The following SMAP1 variants were observed in gnomAD, a reference collection of about 807,000 sequenced individuals.
The protein encoded by SMAP1 is stromal membrane-associated protein 1.
A neutral mutation model predicts 58.5 loss-of-function variants in SMAP1; 24 were observed. The observed-to-expected ratio is 0.41, with a 90% CI of 0.30 to 0.58. The LOEUF (loss-of-function observed/expected upper bound fraction) is 0.58, where lower values mean the gene tolerates loss of function less well. SMAP1 is among the 20% of genes least tolerant of loss of function. The pLI, the probability that SMAP1 is intolerant of heterozygous loss-of-function variation, is 0.29. For missense variants in SMAP1, 563 were observed against 566.3 expected, an observed-to-expected ratio of 0.99 and a Z score of 0.06; for synonymous variants, 216 against 196.6, an observed-to-expected ratio of 1.10 and a Z score of -0.82.
At chr6:70,804,399 A>T (rs1251122197) in intron 6 of SMAP1, among the ~76,000 whole-genome samples, 1 of 149,948 alleles carries the variant, frequency 6.7e-6, no homozygotes, top group African/African-American at 2.5e-5. Context: ...TGCAGGTGAG[A>T]TGGGTCTCCT....
chr6:70,756,768 G>A (rs987687087), intron 3 of SMAP1, among the ~76,000 whole-genome samples: 1 of 151,980 alleles, frequency 6.6e-6, no homozygotes, highest in Admixed American at 6.6e-5. Context: ...CCCATTCACA[G>A]TTGCTTCAAA....
At chr6:70,854,647 T>C (rs567335160) in intron 8 of SMAP1, among the ~76,000 whole-genome samples, 6 of 152,172 alleles carry the variant, frequency 3.9e-5, no homozygotes, top group Admixed American at 3.3e-4. Context: ...TCCAGACATA[T>C]TTTCAAAATA....
intron 2 of SMAP1, among the ~76,000 whole-genome samples, chr6:70,738,963 G>C (rs1285371063): frequency 6.6e-6 from 1 of 152,134 alleles, no homozygotes; most frequent in African/African-American, 2.4e-5. Context: ...TTGTTATTTA[G>C]AAGGACATTA....
chr6:70,787,335 C>T (rs1198370469), intron 4 of SMAP1, among the ~76,000 whole-genome samples: 2 of 152,140 alleles, frequency 1.3e-5, no homozygotes, highest in African/African-American at 4.8e-5. Flanking sequence ...AGACCTAAAA[C>T]CATAAAAGCC....
At chr6:70,722,778 T>C (rs747625820) in intron 1 of SMAP1, among the ~76,000 whole-genome samples, 8 of 152,254 alleles carry the variant, frequency 5.3e-5, no homozygotes, top group Non-Finnish European at 1.2e-4. Context: ...AGATCGCTCA[T>C]GCTATTTTTT....
chr6:70,700,633 A>G (rs1445045853), intron 1 of SMAP1, among the ~76,000 whole-genome samples: 1 of 152,148 alleles, frequency 6.6e-6, no homozygotes, highest in African/African-American at 2.4e-5. Flanking sequence ...CCAGCCTCAG[A>G]TATTTATGTA....
At chr6:70,806,875 A>G (rs983227101) in intron 6 of SMAP1, among the ~76,000 whole-genome samples, 6 of 152,176 alleles carry the variant, frequency 3.9e-5, no homozygotes, top group African/African-American at 1.4e-4. Context: ...GTCTCTCAGG[A>G]GTGACTTGCT....
chr6:70,767,371 A>C (rs1216871866), intron 3 of SMAP1, among the ~76,000 whole-genome samples: 1 of 152,234 alleles, frequency 6.6e-6, no homozygotes, highest in Middle Eastern at 3.4e-3. Flanking sequence ...GACTCTTCCT[A>C]CCCATGAGCA....
intron 1 of SMAP1, among the ~76,000 whole-genome samples, chr6:70,706,180 G>T (rs1286962017): frequency 3.3e-5 from 5 of 152,118 alleles, no homozygotes; most frequent in South Asian, 4.1e-4. Context: ...TTTTGACAAC[G>T]AAGTTGGTGG....
rs183444442 is a variant in SMAP1 at position 70,771,584 on chromosome 6, C to T, written c.339-1766C>T. Among the ~76,000 whole-genome samples, 342 of 152,308 alleles carry T rather than the reference C, an allele frequency of 2.2e-3. 11 individuals carry two copies. The highest frequency in any genetic ancestry group is 0.02 in the Admixed American group (310 of 15,310). On this transcript the variant is annotated intron_variant, in intron 3 of 10. Transcript: ENST00000370455. The stretch of plus-strand genomic sequence containing the variant: ...TGTGGGATATAATCTCCTGGTGCAC[C>T]GTTTTTTAAGCCCGTCGGAAAAGCG...
chr6:70,789,356 C>G (rs1016976680), intron 4 of SMAP1, among the ~76,000 whole-genome samples: 48 of 152,058 alleles, frequency 3.2e-4, no homozygotes, highest in African/African-American at 1.0e-3. Context: ...CCAACCATGG[C>G]CTTGGTGACT....
Position 70,732,527 on chromosome 6 carries a change from C to T in SMAP1, c.252+16C>T. ...ACAGATACAGGTAAACATGACGTTA[C>T]CAAGAAATTATTTAAAATATTTAAA... On this transcript the variant is annotated intron_variant, in intron 2 of 10. Transcript: ENST00000370455. 1 of 1,495,212 alleles carries T rather than the reference C, an allele frequency of 6.7e-7. No individual in the cohort carries two copies. The highest frequency in any genetic ancestry group is 8.9e-7 in the Non-Finnish European group (1 of 1,121,286). The allele number at this position is 1,495,212 out of a possible 1,614,324, so 92.6% of individuals were successfully genotyped here.
At chr6:70,776,176 T>A (rs527521048) in intron 4 of SMAP1, among the ~76,000 whole-genome samples, 12 of 152,184 alleles carry the variant, frequency 7.9e-5, no homozygotes, top group African/African-American at 2.9e-4. Context: ...CATTTATCAT[T>A]TCTTCTTTTT....
chr6:70,752,896 G>A (rs925164234), intron 2 of SMAP1, among the ~76,000 whole-genome samples: 2 of 151,526 alleles, frequency 1.3e-5, no homozygotes, highest in African/African-American at 2.4e-5. Flanking sequence ...GCACTTTTAC[G>A]CAGTCACTTT....
chr6:70,687,570 T>A (rs886777959), intron 1 of SMAP1, among the ~76,000 whole-genome samples: 6 of 152,156 alleles, frequency 3.9e-5, no homozygotes, highest in African/African-American at 1.2e-4. Flanking sequence ...GCTTCTTTAC[T>A]CTTTTGGTGC....
At position 70,860,182 on chromosome 6, in the gene SMAP1, C is replaced by A; in HGVS notation, c.1270-18C>A. 6.3e-7 allele frequency: 1 copy of A among 1,594,988 alleles called. No individual in the cohort carries two copies. ...GTGAAGTAAGCCTCTTGAACTAAGC[C>A]TTTTATATGTTTCACAGATGAATCA... On this transcript the variant is annotated intron_variant, in intron 10 of 10. Coordinates refer to ENST00000370455, the MANE Select transcript of SMAP1 (RefSeq NM_001044305.3).
Position 70,837,817 on chromosome 6 carries a change from A to C in SMAP1, c.664+789A>C, listed in dbSNP as rs1260311990. 6.3e-6 allele frequency: 8 copies of C among 1,269,874 alleles called. No homozygotes were observed. The Admixed American group carries it at 2.0e-4, about 31-fold the overall frequency. The allele number at this position is 1,269,874 out of a possible 1,614,324, so 78.7% of individuals were successfully genotyped here. On this transcript the variant is annotated intron_variant, in intron 7 of 10. Coordinates refer to ENST00000370455, the MANE Select transcript of SMAP1 (RefSeq NM_001044305.3). ...ATTGAGAAGGAAAAGAGTGAAAGGC[A>C]GTTAGTTGAAGTGGAAGAGTTGACC...
chr6:70,713,685 T>C (rs1243509846), intron 1 of SMAP1, among the ~76,000 whole-genome samples: 1 of 152,186 alleles, frequency 6.6e-6, no homozygotes, highest in Non-Finnish European at 1.5e-5. Context: ...CTGGAAAATA[T>C]TTTATGTACA....
At chr6:70,788,165 C>T (rs1768155109) in intron 4 of SMAP1, among the ~76,000 whole-genome samples, 2 of 151,626 alleles carry the variant, frequency 1.3e-5, no homozygotes, top group African/African-American at 4.8e-5. Flanking sequence ...ATGGATGAAA[C>T]TGGAAACCAT....
Sources: gnomAD v4.1 joint callset for allele counts (sites outside exome capture counted in the v4.1 genomes callset) on GRCh38, gnomAD v4.1.1 for gene constraint, MANE v1.5 for transcripts, NCBI Gene and HGNC (gene_info 2026-07-23, HGNC 2026-07-21) for gene names.